The following KIF1A variants were observed in gnomAD, a reference collection of about 807,000 sequenced individuals.
KIF1A encodes the protein kinesin family member 1A, also known as kinesin-like protein KIF1A.
KIF1A carries 46 observed loss-of-function variants against 227.3 expected under a neutral mutation model. The observed-to-expected ratio is 0.20, with a 90% CI of 0.16 to 0.26. The LOEUF is 0.26. KIF1A is among the 10% of genes least tolerant of loss of function. The pLI, the probability that KIF1A is intolerant of heterozygous loss-of-function variation, is 1.00. For synonymous variants in KIF1A, 1,022 were observed against 1,012.8 expected (o/e 1.01, Z -0.17); for missense variants, 1,683 against 2,485.9 (o/e 0.68, Z 6.87).
At chr2:240,742,012 G>C (rs1165318965) in intron 34 of KIF1A, among the ~76,000 whole-genome samples, 6 of 152,168 alleles carry the variant, frequency 3.9e-5, no homozygotes, top group African/African-American at 1.4e-4. Context: ...GGATCTACAG[G>C]TCTTTCTTGC....
chr2:240,779,500 TCAGTTCCACACTCAGTTCCTCA>T (rs1483397816), intron 10 of KIF1A, among the ~76,000 whole-genome samples: 1 of 146,154 alleles, frequency 6.8e-6, no homozygotes, highest in South Asian at 2.2e-4. Flanking sequence ...AGTTCCACAC[TCAGTTCCACACTCAGTTCCTCA>T]CAGTTCCACA....
intron 33 of KIF1A, among the ~76,000 whole-genome samples, chr2:240,743,546 T>C (rs1190847741): frequency 1.3e-5 from 2 of 152,132 alleles, no homozygotes; most frequent in Non-Finnish European, 1.5e-5. Flanking sequence ...CTCAGGAGGC[T>C]GCGTGGACTG....
intron 28 of KIF1A, among the ~76,000 whole-genome samples, chr2:240,747,797 C>T (rs2048778837): frequency 6.6e-6 from 1 of 152,230 alleles, no homozygotes; most frequent in Admixed American, 6.5e-5. Flanking sequence ...CTCCCCAGGC[C>T]TGCCGGTGCA....
intron 38 of KIF1A, chr2:240,734,817 A>G (rs1464111194): frequency 1.8e-6 from 2 of 1,118,924 alleles, no homozygotes; most frequent in Admixed American, 4.6e-5. Flanking sequence ...GGGGACAGGC[A>G]GAGGGAAGCG....
intron 1 of KIF1A, among the ~76,000 whole-genome samples, chr2:240,800,298 G>A (rs1215292262): frequency 1.3e-5 from 2 of 152,202 alleles, no homozygotes; most frequent in African/African-American, 4.8e-5. Flanking sequence ...TCTTGGCTCT[G>A]GGGTATGGAA....
In KIF1A at chr2:240,718,050, C is replaced by T. The variant is rs1373988210; in HGVS notation, c.5333G>A (p.Arg1778Gln). ...AACCTCGCCCTGCAGGCGGCCCTAC[C>T]GTATGGTCCCGGCCAGGAGGGGGTT... ...AFNPLLAGTI[R>Q]SKLSRRRSAQ... The change falls in exon 48 of 49, where the codon CGG (arginine) becomes CAG (glutamine). Residue 1778 changes from arginine to glutamine, a missense_variant and splice_region_variant. Arg to Gln is a conservative substitution (Grantham distance 43). This residue lies in a region of KIF1A where 384 missense variants were observed against 410.1 expected (regional missense o/e 0.94). Transcript: ENST00000498729. The T allele has an allele frequency of 1.2e-6, 2 of 1,601,540 alleles. No individual in the cohort carries two copies. The highest frequency in any genetic ancestry group is 1.7e-6 in the Non-Finnish European group (2 of 1,173,318).
rs377208782 is a variant in KIF1A at position 240,767,363 on chromosome 2, G to A, written c.1498-18C>T. 35 of 1,605,298 alleles carry A rather than the reference G, an allele frequency of 2.2e-5. No homozygotes were observed. The African/African-American group carries it at 4.1e-4, about 19-fold the overall frequency. On this transcript the variant is annotated intron_variant, in intron 17 of 48. Transcript: ENST00000498729. The stretch of plus-strand genomic sequence containing the variant: ...TGTGGTGTCTGCAGGGAGACAGGAG[G>A]ATCATCTCTCTTGCAGAGGGGCAGG...
intron 44 of KIF1A, among the ~76,000 whole-genome samples, 182 bp downstream of exon 44, chr2:240,721,625 G>A (rs1385263199): frequency 6.6e-6 from 1 of 152,214 alleles, no homozygotes; most frequent in African/African-American, 2.4e-5. Context: ...ACCTCCCATG[G>A]ACCCCAGGCC....
At chr2:240,718,203 G>A (rs373667395) in intron 47 of KIF1A, 35 bp from the exon 48 acceptor site, 13 of 1,441,592 alleles carry the variant, frequency 9.0e-6, no homozygotes, top group African/African-American at 1.4e-5. Context: ...GAGGTGCCAG[G>A]CTCCGTGGTC....
chr2:240,729,714 C>T (rs1280799943), intron 38 of KIF1A, among the ~76,000 whole-genome samples: 1 of 152,250 alleles, frequency 6.6e-6, no homozygotes, highest in Non-Finnish European at 1.5e-5. Flanking sequence ...GTGGCTTTGC[C>T]CTGCTCAGAC....
intron 1 of KIF1A, among the ~76,000 whole-genome samples, chr2:240,801,943 A>G (rs1011916406): frequency 1.3e-5 from 2 of 152,196 alleles, no homozygotes; most frequent in Non-Finnish European, 2.9e-5. Context: ...AAAACTAATG[A>G]CCATGGATTG....
At position 240,740,511 on chromosome 2, in the gene KIF1A, C is replaced by T. The variant is rs533789825; in HGVS notation, c.3750-147G>A. 56 of 681,054 alleles carry T rather than the reference C, an allele frequency of 8.2e-5. No homozygotes were observed. In the Admixed American group the frequency reaches 1.1e-3, roughly 13 times the overall value. 42.2% of individuals were successfully genotyped at this position (681,054 alleles called of 1,614,324 possible). On this transcript the variant is annotated intron_variant, in intron 35 of 48. Transcript: ENST00000498729. This position sits in a 1 kb window ranked among gnomAD's most constrained non-coding sequence, Gnocchi z 6.1. Reference sequence around the variant, plus strand: ...CAGGTGGTCTGATCCATGGAGACCACGGTCAGCTGAGCACAGAAACCCACC... The same window carrying T: ...CAGGTGGTCTGATCCATGGAGACCATGGTCAGCTGAGCACAGAAACCCACC...
At chr2:240,781,429 CT>C in intron 10 of KIF1A, among the ~76,000 whole-genome samples, 2 of 26,426 alleles carry the variant, frequency 7.6e-5, no homozygotes, top group Non-Finnish European at 1.3e-4. Context: ...ACACACACAG[CT>C]CCACACACAC....
chr2:240,731,716 G>A (rs952016035), intron 38 of KIF1A, among the ~76,000 whole-genome samples: 3 of 152,176 alleles, frequency 2.0e-5, no homozygotes, highest in Non-Finnish European at 4.4e-5. Flanking sequence ...GTTTCCTGGT[G>A]AGCCCTCCCC....
At position 240,739,609 on chromosome 2, in the gene KIF1A, C is replaced by T. The variant is rs540947464; in HGVS notation, c.3901+449G>A. ...GAAGACACAGGACAGGAGAAGCCTGCGAAAATGCAGTGATGCGTCTGCAGG... is the reference window on the plus strand; with the variant it reads ...GAAGACACAGGACAGGAGAAGCCTGTGAAAATGCAGTGATGCGTCTGCAGG... On this transcript the variant is annotated intron_variant, in intron 37 of 48. Transcript: ENST00000498729. This position sits in a 1 kb window ranked among gnomAD's most constrained non-coding sequence, Gnocchi z 5.6. Among the ~76,000 whole-genome samples the T allele has an allele frequency of 5.3e-5, 8 of 152,196 alleles. No homozygotes were observed. Among genetic ancestry groups the T allele is most frequent in the East Asian group, 3.9e-4 (2 of 5,166 alleles).
chr2:240,719,894 G>A lies in KIF1A; in HGVS notation c.4901C>T (p.Pro1634Leu). 3 of 1,611,400 alleles carry A rather than the reference G, an allele frequency of 1.9e-6. No homozygotes were observed. The highest frequency in any genetic ancestry group is 2.5e-6 in the Non-Finnish European group (3 of 1,179,414). ...GGCCTCTGGCAGCAGCTCGGGCTCT[G>A]GGCTGGCTGGCCGGGAGCAGGGCTG... The part of the protein sequence containing the change: ...TPQPCSRPAS[P>L]EPELLPEADS... The change falls in exon 46 of 49, where the codon CCA becomes CTA. Residue 1634 changes from proline (P) to leucine (L), a missense_variant. Coordinates refer to ENST00000498729, the MANE Select transcript of KIF1A (RefSeq NM_001244008.2).
intron 44 of KIF1A, 38 bp from the exon 45 acceptor site, chr2:240,721,076 G>A (rs780037861): frequency 5.0e-6 from 8 of 1,608,078 alleles, no homozygotes; most frequent in Non-Finnish European, 6.8e-6. Context: ...ACACAGGGAA[G>A]GGGGGTCTCC....
At chr2:240,769,772 A>T (rs1257889725) in intron 15 of KIF1A, 66 bp from the exon 16 acceptor site, 3 of 1,357,404 alleles carry the variant, frequency 2.2e-6, no homozygotes, top group Non-Finnish European at 2.1e-6. Context: ...CAATGGAGAC[A>T]CGGGTGCCAG....
intron 1 of KIF1A, among the ~76,000 whole-genome samples, chr2:240,814,906 G>A (rs1230363104): frequency 6.6e-6 from 1 of 152,212 alleles, no homozygotes; most frequent in Non-Finnish European, 1.5e-5. Context: ...GACAGAGTGA[G>A]ACCCTGTCTC....
Sources: gnomAD v4.1 joint callset for allele counts (sites outside exome capture counted in the v4.1 genomes callset) on GRCh38, gnomAD v4.1.1 for gene constraint, gnomAD v4.1.1 regional missense constraint, Gnocchi (gnomAD v3.1) non-coding constraint, MANE v1.5 for transcripts, NCBI Gene and HGNC (gene_info 2026-07-23, HGNC 2026-07-21) for gene names.